Variants in FIBCD1 observed in about 807,000 individuals in gnomAD.
FIBCD1 encodes fibrinogen C domain containing 1.
A neutral mutation model predicts 45.1 loss-of-function variants in FIBCD1; 47 were observed. That is an observed-to-expected ratio of 1.04 (90% CI 0.82 to 1.33). FIBCD1 has a LOEUF of 1.33. FIBCD1 is among the 40% of genes most tolerant of loss of function. FIBCD1 has a pLI of 0.00. For synonymous variants in FIBCD1, 313 were observed against 308.1 expected (o/e 1.02, Z -0.17); for missense variants, 653 against 682.2 (o/e 0.96, Z 0.48).
intron 4 of FIBCD1, among the ~76,000 whole-genome samples, chr9:130,919,088 A>G (rs994304929): frequency 1.3e-5 from 2 of 152,160 alleles, no homozygotes; most frequent in African/African-American, 4.8e-5. Flanking sequence ...CTCTTGGCAC[A>G]GCACTGCCAA....
chr9:130,931,983 A>G (rs761018146), intron 1 of FIBCD1, among the ~76,000 whole-genome samples: 1 of 152,252 alleles, frequency 6.6e-6, no homozygotes, highest in East Asian at 1.9e-4. Flanking sequence ...TCCCATGATC[A>G]ATGTGCACAC....
rs371164048 is a variant in FIBCD1, at chr9:130,929,618, C to T, written c.501G>A (p.Thr167=). The T allele has an allele frequency of 3.7e-5, 56 of 1,532,802 alleles. No homozygotes were observed. The highest frequency in any genetic ancestry group is 6.8e-5 in the East Asian group (3 of 43,834). The allele number at this position is 1,532,802 out of a possible 1,614,324, so 95.0% of individuals were successfully genotyped here. ...ECMGLRKGHG[T]LGQGLSALQS... is the part of the protein sequence containing the mutation. Reference sequence around the variant, plus strand: ...GCAGGGCGCTGAGGCCCTGGCCCAGCGTGCCATGCCCCTTCCGCAGCCCCA... The same window carrying T: ...GCAGGGCGCTGAGGCCCTGGCCCAGTGTGCCATGCCCCTTCCGCAGCCCCA... Residue 167 remains threonine, a synonymous_variant, in exon 2 of 7, where the codon ACG becomes ACA. Coordinates refer to ENST00000372338, the MANE Select transcript of FIBCD1 (RefSeq NM_032843.5).
rs533919875 is a variant in FIBCD1 at position 130,904,177 on chromosome 9, G to T, written c.1273C>A (p.Arg425Ser). ...TCGGCATAGGAGGCGTGCGCACCGCGCAGGTACTGCCCATTGAGGTTGGAC... is the reference window on the plus strand; with the variant it reads ...TCGGCATAGGAGGCGTGCGCACCGCTCAGGTACTGCCCATTGAGGTTGGAC... ...HTSNLNGQYL[R>S]GAHASYADGV... Residue 425 changes from arginine to serine, a missense_variant, in exon 7 of 7, where the codon CGC (arginine) becomes AGC (serine). Transcript: ENST00000372338. The T allele has an allele frequency of 6.2e-7, 1 of 1,613,716 alleles. No individual in the cohort carries two copies.
At chr9:130,912,678 G>A (rs1832079983) in intron 4 of FIBCD1, among the ~76,000 whole-genome samples, 1 of 151,044 alleles carries the variant, frequency 6.6e-6, no homozygotes, top group East Asian at 1.9e-4. Context: ...CTACACTCCA[G>A]CCTGGGTGAT....
intron 4 of FIBCD1, among the ~76,000 whole-genome samples, chr9:130,918,059 G>A (rs536128557): frequency 1.7e-4 from 26 of 152,300 alleles, no homozygotes; most frequent in African/African-American, 5.8e-4. Context: ...GAGAGACGAC[G>A]CACAAGCCAG....
At chr9:130,916,232 G>C (rs371458400) in intron 4 of FIBCD1, among the ~76,000 whole-genome samples, 1 of 152,182 alleles carries the variant, frequency 6.6e-6, no homozygotes, top group Non-Finnish European at 1.5e-5. Flanking sequence ...CCCAGCCTTA[G>C]TGCACTGATA....
chr9:130,924,753 G>C (rs1334723276), intron 2 of FIBCD1, among the ~76,000 whole-genome samples: 1 of 152,198 alleles, frequency 6.6e-6, no homozygotes, highest in Non-Finnish European at 1.5e-5. Context: ...GGTGGGGAGA[G>C]AGTGCCCCGT....
rs574359546 is a variant in FIBCD1, at chr9:130,924,299, C to T, written c.650G>A (p.Arg217His). The T allele has an allele frequency of 1.6e-4, 254 of 1,603,386 alleles. No individual in the cohort carries two copies. The highest frequency in any genetic ancestry group is 1.1e-3 in the Admixed American group (67 of 58,694). ...CGCTCTCTGAAGGTCGGCCTTGTTG[C>T]GGGGCCGGCCCAGCCCCCGGTCCCT... ...LQRDRGLGRP[R>H]NKADLQRAPA... The change falls in exon 3 of 7, where the codon CGC becomes CAC. Residue 217 changes from arginine to histidine, a missense_variant. Arg to His is a conservative substitution (Grantham distance 29). Transcript: ENST00000372338.
At chr9:130,933,011 C>A (rs1832464361) in intron 1 of FIBCD1, among the ~76,000 whole-genome samples, 1 of 152,158 alleles carries the variant, frequency 6.6e-6, no homozygotes, top group African/African-American at 2.4e-5. Context: ...CTCTGCAACT[C>A]CCACACCCCT....
rs1217839714 is a variant in FIBCD1 at position 130,929,934 on chromosome 9, G to T, written c.185C>A (p.Thr62Lys). The T allele has an allele frequency of 6.5e-7, 1 of 1,548,910 alleles. No homozygotes were observed. The highest frequency in any genetic ancestry group is 1.4e-5 in the African/African-American group (1 of 73,052). ...LFLNHAHAPGTAPPPVVSTGA... is the reference protein window; with the variant it reads ...LFLNHAHAPGKAPPPVVSTGA... ...AGTGCTGACGACAGGTGGGGGCGCC[G>T]TGCCCGGCGCGTGGGCGTGGTTCAG... The change falls in exon 2 of 7, where the codon ACG becomes AAG. Residue 62 changes from threonine (T) to lysine (K), a missense_variant. By Grantham distance (78) the Thr-to-Lys change is moderately conservative. Transcript: ENST00000372338.
Position 130,904,165 on chromosome 9 carries a change from C to A in FIBCD1, c.1285G>T (p.Ala429Ser). 1 of 1,613,640 alleles carries A rather than the reference C, an allele frequency of 6.2e-7. No individual in the cohort carries two copies. The highest frequency in any genetic ancestry group is 8.5e-7 in the Non-Finnish European group (1 of 1,179,976). Residue 429 changes from alanine to serine, a missense_variant, in exon 7 of 7, where the codon GCC becomes TCC. Ala to Ser is a moderately conservative substitution (Grantham distance 99). Transcript: ENST00000372338. ...LNGQYLRGAH[A>S]SYADGVEWSS... ...CACTCCACGCCGTCGGCATAGGAGG[C>A]GTGCGCACCGCGCAGGTACTGCCCA...
intron 1 of FIBCD1, chr9:130,934,000 AAC>A (rs1470454235): frequency 7.2e-5 from 11 of 152,392 alleles, no homozygotes; most frequent in African/African-American, 2.7e-4. Flanking sequence ...GCATGACAAA[AAC>A]ACATCCTGGG....
At chr9:130,915,269 C>T (rs1318524274) in intron 4 of FIBCD1, among the ~76,000 whole-genome samples, 1 of 152,218 alleles carries the variant, frequency 6.6e-6, no homozygotes. Flanking sequence ...CCCACCATCC[C>T]CCAGGGCTCC....
intron 5 of FIBCD1, among the ~76,000 whole-genome samples, chr9:130,909,537 A>G (rs1303508111): frequency 6.6e-6 from 1 of 152,228 alleles, no homozygotes; most frequent in Non-Finnish European, 1.5e-5. Context: ...ACTAAAAACC[A>G]CAGGGTCATA....
chr9:130,929,578 G>A lies in FIBCD1; in HGVS notation c.541C>T (p.Arg181Cys), dbSNP rs551595610. The A allele has an allele frequency of 6.7e-5, 101 of 1,503,176 alleles. No individual in the cohort carries two copies. Among genetic ancestry groups the A allele is most frequent in the South Asian group, 1.9e-4 (14 of 74,100 alleles). The allele number at this position is 1,503,176 out of a possible 1,614,324, so 93.1% of individuals were successfully genotyped here. ...GACCCCAGCCCTACCTGGATGAGGC[G>A]GCCCTGCTCACTCTGCAGGGCGCTG... ...GLSALQSEQG[R>C]LIQLLSESQG... Residue 181 changes from arginine to cysteine, a missense_variant, in exon 2 of 7, where the codon CGC (arginine) becomes TGC (cysteine). Coordinates refer to ENST00000372338, the MANE Select transcript of FIBCD1 (RefSeq NM_032843.5).
intron 4 of FIBCD1, among the ~76,000 whole-genome samples, chr9:130,915,323 C>A (rs572021206): frequency 4.4e-4 from 67 of 152,362 alleles, no homozygotes; most frequent in African/African-American, 1.6e-3. Flanking sequence ...TGGCCCCCTG[C>A]CTTTGCCTCT....
intron 2 of FIBCD1, among the ~76,000 whole-genome samples, chr9:130,924,839 C>T (rs1475982012): frequency 6.6e-6 from 1 of 152,184 alleles, no homozygotes; most frequent in African/African-American, 2.4e-5. Context: ...CTCACCACGC[C>T]TCGTCTCCCC....
At chr9:130,918,924 A>C (rs117581486) in intron 4 of FIBCD1, among the ~76,000 whole-genome samples, 2,555 of 152,334 alleles carry the variant, frequency 0.017, 50 homozygotes, top group South Asian at 0.057. Flanking sequence ...CGGACGGCGC[A>C]CAGTAGGCCT....
chr9:130,927,818 G>A (rs569286470), intron 2 of FIBCD1, among the ~76,000 whole-genome samples: 5 of 152,298 alleles, frequency 3.3e-5, no homozygotes, highest in South Asian at 2.1e-4. Context: ...ACAGGCGCCC[G>A]CCTGGCTAAT....
Sources: allele counts gnomAD v4.1 joint callset (sites outside exome capture counted in the v4.1 genomes callset), GRCh38; gene constraint gnomAD v4.1.1; transcripts MANE v1.5; gene names NCBI Gene and HGNC (gene_info 2026-07-23, HGNC 2026-07-21).